Variants in CDKAL1 observed in about 807,000 individuals in gnomAD.
The protein encoded by CDKAL1 is threonylcarbamoyladenosine tRNA methylthiotransferase.
Under a neutral mutation model 68.2 loss-of-function variants are expected in CDKAL1, and 32 were observed. That is an observed-to-expected ratio of 0.47 (90% CI 0.35 to 0.63). The LOEUF (loss-of-function observed/expected upper bound fraction) is 0.63. CDKAL1 is among the 30% of genes least tolerant of loss of function. The pLI is 0.00. For missense variants in CDKAL1, 606 were observed against 696.7 expected, an observed-to-expected ratio of 0.87 and a Z score of 1.47; for synonymous variants, 234 against 244.3, an observed-to-expected ratio of 0.96 and a Z score of 0.39.
intron 9 of CDKAL1, among the ~76,000 whole-genome samples, chr6:20,901,693 A>AG (rs1761981670): frequency 7.3e-6 from 1 of 137,170 alleles, no homozygotes; most frequent in Non-Finnish European, 1.5e-5. Flanking sequence ...AAAAAAAAAA[A>AG]AAAAAAAAAA....
At chr6:20,674,449 A>G (rs1335068142) in intron 5 of CDKAL1, among the ~76,000 whole-genome samples, 1 of 152,204 alleles carries the variant, frequency 6.6e-6, no homozygotes, top group Non-Finnish European at 1.5e-5. Context: ...TTTCTTTTTA[A>G]AAAATGGATA....
chr6:20,705,219 T>C (rs1432013478), intron 5 of CDKAL1, among the ~76,000 whole-genome samples: 1 of 152,210 alleles, frequency 6.6e-6, no homozygotes, highest in East Asian at 1.9e-4. Context: ...AGGATTTGTG[T>C]GATATGCTTT....
intron 13 of CDKAL1, among the ~76,000 whole-genome samples, chr6:21,141,535 A>G (rs988116054): frequency 2.0e-5 from 3 of 152,186 alleles, no homozygotes; most frequent in South Asian, 2.1e-4. Context: ...GGTACTTAAT[A>G]ATTTTTGAAT....
chr6:21,117,098 C>T (rs549439582), intron 13 of CDKAL1, among the ~76,000 whole-genome samples: 1 of 152,072 alleles, frequency 6.6e-6, no homozygotes, highest in Admixed American at 6.6e-5. Flanking sequence ...TTGATACATA[C>T]CCTGCCCCAA....
At chr6:20,933,755 A>G (rs1763577008) in intron 9 of CDKAL1, among the ~76,000 whole-genome samples, 1 of 152,200 alleles carries the variant, frequency 6.6e-6, no homozygotes, top group South Asian at 2.1e-4. Context: ...AGTTGGGTGA[A>G]TGTTTTTAAG....
chr6:20,879,461 T>C (rs1034019344), intron 9 of CDKAL1, among the ~76,000 whole-genome samples: 1 of 152,242 alleles, frequency 6.6e-6, no homozygotes, highest in Non-Finnish European at 1.5e-5. Context: ...TTTATGTTGT[T>C]TAACTTTTCA....
intron 8 of CDKAL1, among the ~76,000 whole-genome samples, chr6:20,788,762 T>C (rs1189438831): frequency 3.3e-5 from 5 of 152,226 alleles, no homozygotes; most frequent in Non-Finnish European, 7.3e-5. Context: ...TTATTCTTTC[T>C]ATTATTTAGG....
chr6:20,555,738 T>G (rs1273281845), intron 4 of CDKAL1, among the ~76,000 whole-genome samples: 1 of 147,984 alleles, frequency 6.8e-6, no homozygotes, highest in Non-Finnish European at 1.5e-5. Flanking sequence ...TTCTCCTGCC[T>G]CAGCCTCCCG....
chr6:20,540,077 C>CTTTTTTTTTTTTT lies in CDKAL1; in HGVS notation c.-6+4685_-6+4697dup, dbSNP rs71538791. On this transcript the variant is annotated intron_variant, in intron 2 of 15. Transcript: ENST00000274695. ...CTGAGCAGTAGAAGATTGGGATTGTCTTTTTTTTTTTTTTGAGACAGAGTC... is the reference window on the plus strand; with the variant it reads ...CTGAGCAGTAGAAGATTGGGATTGTCTTTTTTTTTTTTTTTTTTTTTTTTTTTGAGACAGAGTC... 5.7e-4 allele frequency among the ~76,000 whole-genome samples: 75 copies of CTTTTTTTTTTTTT among 131,206 alleles called. 2 individuals carry two copies. Among genetic ancestry groups the CTTTTTTTTTTTTT allele is most frequent in the Middle Eastern group, 4.1e-3 (1 of 242 alleles). The allele number at this position is 131,206 out of a possible 152,430, so 86.1% of individuals were successfully genotyped here.
At chr6:21,207,502 G>A (rs72838044) in intron 15 of CDKAL1, among the ~76,000 whole-genome samples, 20,452 of 152,058 alleles carry the variant, frequency 0.13, 1,460 homozygotes, top group East Asian at 0.22. Flanking sequence ...GTGAAAGAAT[G>A]AAACCTTATC....
intron 9 of CDKAL1, among the ~76,000 whole-genome samples, chr6:20,856,294 A>G (rs1212248408): frequency 3.3e-5 from 5 of 152,224 alleles, no homozygotes; most frequent in Non-Finnish European, 7.3e-5. Context: ...ATGAGTGGTT[A>G]ATCTAGAATT....
At chr6:20,730,740 G>T (rs891652019) in intron 5 of CDKAL1, among the ~76,000 whole-genome samples, 1 of 151,714 alleles carries the variant, frequency 6.6e-6, no homozygotes, top group Admixed American at 6.6e-5. Context: ...AGCTACTCGG[G>T]AGGCTGAGGC....
chr6:20,669,981 C>T (rs535105121), intron 5 of CDKAL1, among the ~76,000 whole-genome samples: 8 of 151,928 alleles, frequency 5.3e-5, no homozygotes, highest in East Asian at 3.9e-4. Flanking sequence ...TAAAAAAACA[C>T]GAGGTTGTAC....
At chr6:20,834,554 T>C (rs1311058770) in intron 8 of CDKAL1, among the ~76,000 whole-genome samples, 2 of 152,216 alleles carry the variant, frequency 1.3e-5, no homozygotes, top group Non-Finnish European at 2.9e-5. Flanking sequence ...ACCAGACTTT[T>C]AGCATTTGGG....
intron 13 of CDKAL1, among the ~76,000 whole-genome samples, chr6:21,112,937 C>T (rs2150997377): frequency 6.6e-6 from 1 of 152,264 alleles, no homozygotes; most frequent in Non-Finnish European, 1.5e-5. Context: ...TAAAACAAAT[C>T]AGTTCAAACT....
At chr6:20,810,010 A>T (rs1168014242) in intron 8 of CDKAL1, among the ~76,000 whole-genome samples, 1 of 152,234 alleles carries the variant, frequency 6.6e-6, no homozygotes, top group Non-Finnish European at 1.5e-5. Context: ...AAGGAGGCTG[A>T]ATCACATCTA....
At chr6:20,546,674 C>A in intron 3 of CDKAL1, 151 bp downstream of exon 3, 1 of 582,678 alleles carries the variant, frequency 1.7e-6, no homozygotes, top group Non-Finnish European at 3.0e-6. Context: ...CTGCCTCTGC[C>A]TCCCTAGTAG....
intron 3 of CDKAL1, among the ~76,000 whole-genome samples, chr6:20,547,374 A>G (rs1763649432): frequency 1.3e-5 from 2 of 152,150 alleles, no homozygotes; most frequent in Admixed American, 1.3e-4. Flanking sequence ...AGAGTTTGTG[A>G]TTCTTATGAG....
chr6:20,674,461 G>A (rs973203067), intron 5 of CDKAL1, among the ~76,000 whole-genome samples: 1 of 151,964 alleles, frequency 6.6e-6, no homozygotes, highest in South Asian at 2.1e-4. Context: ...AAATGGATAC[G>A]CAGTAACCAT....
Sources: allele counts gnomAD v4.1 joint callset (sites outside exome capture counted in the v4.1 genomes callset), GRCh38; gene constraint gnomAD v4.1.1; transcripts MANE v1.5; gene names NCBI Gene and HGNC (gene_info 2026-07-23, HGNC 2026-07-21).